ME3: variants seen among roughly 807,000 people sequenced by gnomAD.
The protein encoded by ME3 is malic enzyme 3.
In ME3, 48 loss-of-function variants were observed where a neutral mutation model predicts 68.9. The observed-to-expected ratio is 0.70, with a 90% confidence interval of 0.55 to 0.89. The LOEUF (loss-of-function observed/expected upper bound fraction) is 0.89, where lower values mean the gene tolerates loss of function less well. Ranked by LOEUF, ME3 falls within the 40% of genes least tolerant of loss-of-function variation. The pLI, the probability that ME3 is intolerant of heterozygous loss-of-function variation, is 0.00. For synonymous variants in ME3, 320 were observed against 318.8 expected (o/e 1.00, Z -0.04); for missense variants, 675 against 797.4 (o/e 0.85, Z 1.85).
chr11:86,652,351 C>A (rs541898306), intron 2 of ME3, among the ~76,000 whole-genome samples: 1 of 152,268 alleles, frequency 6.6e-6, no homozygotes, highest in East Asian at 1.9e-4. Context: ...AGAAAAGGCT[C>A]GGGTTACCCA....
intron 2 of ME3, among the ~76,000 whole-genome samples, chr11:86,604,690 T>G (rs1473949605): frequency 6.6e-6 from 1 of 152,170 alleles, no homozygotes; most frequent in African/African-American, 2.4e-5. Context: ...TATTTTCATT[T>G]TATAGATCAG....
intron 2 of ME3, among the ~76,000 whole-genome samples, chr11:86,623,513 A>G (rs1943474940): frequency 1.7e-5 from 2 of 120,400 alleles, no homozygotes; most frequent in African/African-American, 3.4e-5. Context: ...TTCTTTGGAG[A>G]ACGCTAACAT....
At chr11:86,445,439 T>C (rs1460094497) in intron 13 of ME3, among the ~76,000 whole-genome samples, 1 of 152,206 alleles carries the variant, frequency 6.6e-6, no homozygotes, top group African/African-American at 2.4e-5. Context: ...GTCTCATTGG[T>C]TTCAGGCTTT....
chr11:86,465,291 A>G (rs1565815231), intron 7 of ME3, 91 bp from the exon 8 acceptor site: 22 of 719,846 alleles, frequency 3.1e-5, no homozygotes, highest in Non-Finnish European at 4.1e-5. Context: ...GGGGAGGTGC[A>G]GGCCTGGGGG....
chr11:86,606,962 CCAA>C (rs1961753888), intron 2 of ME3, among the ~76,000 whole-genome samples: 1 of 152,130 alleles, frequency 6.6e-6, no homozygotes. Context: ...TTCCTGAAAA[CCAA>C]CAACAAGCAC....
At chr11:86,466,544 G>C (rs888492698) in intron 7 of ME3, among the ~76,000 whole-genome samples, 1 of 152,252 alleles carries the variant, frequency 6.6e-6, no homozygotes, top group East Asian at 1.9e-4. Context: ...GCACATGCTT[G>C]GGGGGCTTCC....
chr11:86,585,145 G>A (rs1432028136), intron 2 of ME3, among the ~76,000 whole-genome samples: 2 of 152,146 alleles, frequency 1.3e-5, no homozygotes, highest in African/African-American at 4.8e-5. Flanking sequence ...GCAGTGTGTA[G>A]GTGACTTTGC....
chr11:86,643,074 A>G (rs1301460333), intron 2 of ME3, among the ~76,000 whole-genome samples: 1 of 152,178 alleles, frequency 6.6e-6, no homozygotes, highest in Non-Finnish European at 1.5e-5. Context: ...AAAAGAGCCC[A>G]GTCTTTTGCT....
rs537643821 is a variant in ME3, at chr11:86,558,096, C to T, written c.318-1394G>A. 2.6e-5 allele frequency among the ~76,000 whole-genome samples: 4 copies of T among 152,320 alleles called. No homozygotes were observed. The East Asian group carries it at 7.7e-4, about 29-fold the overall frequency. On this transcript the variant is annotated intron_variant, in intron 3 of 14. Coordinates refer to ENST00000543262, the Ensembl canonical transcript of ME3. ...CAGTAATGGGCACACTCTTCTGTCC[C>T]TGAGCCTGGAATGTTTCCCCAGGCC...
At chr11:86,525,862 CAAAAAAA>C (rs774590648) in intron 4 of ME3, among the ~76,000 whole-genome samples, 1 of 102,642 alleles carries the variant, frequency 9.7e-6, no homozygotes, top group Non-Finnish European at 2.1e-5. Context: ...AACTCTGTCT[CAAAAAAA>C]AAAAAAAAAA....
In ME3 at chr11:86,533,925, T is replaced by C. The variant is rs527798677; in HGVS notation, c.467+22628A>G. ...GGTATAGCCTATTACACACCTAGGC[T>C]ACGTGGCATAGCCTATTGCTCCTAG... is the stretch of plus-strand genomic sequence containing the variant. On this transcript the variant is annotated intron_variant, in intron 4 of 14. Coordinates refer to ENST00000543262, the Ensembl canonical transcript of ME3. 2.0e-5 allele frequency among the ~76,000 whole-genome samples: 3 copies of C among 152,302 alleles called. No homozygotes were observed. The South Asian group carries it at 6.2e-4, about 32-fold the overall frequency.
At chr11:86,642,207 T>C (rs1944712873) in intron 2 of ME3, among the ~76,000 whole-genome samples, 1 of 152,236 alleles carries the variant, frequency 6.6e-6, no homozygotes, top group Non-Finnish European at 1.5e-5. Flanking sequence ...CTTTCTGAAC[T>C]ACAAATATTA....
chr11:86,449,645 T>C (rs1038863818), intron 10 of ME3, among the ~76,000 whole-genome samples: 4 of 152,294 alleles, frequency 2.6e-5, no homozygotes, highest in Admixed American at 2.0e-4. Context: ...TGGAGGCTAG[T>C]GCAAGTCAGG....
At chr11:86,550,186 C>T (rs933704876) in intron 4 of ME3, among the ~76,000 whole-genome samples, 3 of 152,158 alleles carry the variant, frequency 2.0e-5, no homozygotes, top group Non-Finnish European at 4.4e-5. Context: ...TAACTAGACC[C>T]TTTTAATTTT....
intron 7 of ME3, among the ~76,000 whole-genome samples, chr11:86,474,473 A>G (rs1018953325): frequency 5.9e-5 from 9 of 152,100 alleles, no homozygotes; most frequent in African/African-American, 2.2e-4. Flanking sequence ...TCAACCTCCC[A>G]AAGGTCAGTG....
intron 4 of ME3, among the ~76,000 whole-genome samples, chr11:86,536,004 T>A (rs1181373998): frequency 1.3e-5 from 2 of 152,180 alleles, no homozygotes; most frequent in African/African-American, 4.8e-5. Flanking sequence ...AGTTTATAGC[T>A]TAGTAGCAGA....
At chr11:86,487,520 T>C in intron 6 of ME3, 80 bp from the exon 7 acceptor site, 1 of 1,157,702 alleles carries the variant, frequency 8.6e-7, no homozygotes, top group East Asian at 2.4e-5. Context: ...TCCAGGATTA[T>C]TAGGAAGAAC....
intron 14 of ME3, among the ~76,000 whole-genome samples, chr11:86,441,805 A>C (rs1593964894): frequency 6.6e-6 from 1 of 151,962 alleles, no homozygotes; most frequent in Non-Finnish European, 1.5e-5. Context: ...ATTAGACAAG[A>C]GGCAAATGTG....
intron 4 of ME3, among the ~76,000 whole-genome samples, chr11:86,523,496 T>C (rs1047972909): frequency 6.6e-6 from 1 of 152,228 alleles, no homozygotes; most frequent in Non-Finnish European, 1.5e-5. Flanking sequence ...AATAGGTTTC[T>C]AATTGTTTGT....
Sources: allele counts gnomAD v4.1 joint callset (sites outside exome capture counted in the v4.1 genomes callset), GRCh38; gene constraint gnomAD v4.1.1; transcripts MANE v1.5; gene names NCBI Gene and HGNC (gene_info 2026-07-23, HGNC 2026-07-21).